The following PARD3B variants were observed in gnomAD, a reference collection of about 807,000 sequenced individuals.
The protein encoded by PARD3B is par-3 family cell polarity regulator beta, also known as partitioning defective 3 homolog B.
A neutral mutation model predicts 130.2 loss-of-function variants in PARD3B; 103 were observed. The observed-to-expected ratio is 0.79, with a 90% CI of 0.67 to 0.93. The LOEUF (loss-of-function observed/expected upper bound fraction) is 0.93. PARD3B is among the 40% of genes least tolerant of loss of function. The probability of loss-of-function intolerance (pLI) is 0.00; values close to 1 mark genes in which losing one functional copy is unlikely to be tolerated. For synonymous variants in PARD3B, 583 were observed against 553.2 expected (o/e 1.05, Z -0.76); for missense variants, 1,609 against 1,499.2 (o/e 1.07, Z -1.21).
chr2:204,868,039 A>G (rs1274137774), intron 2 of PARD3B, among the ~76,000 whole-genome samples: 1 of 152,134 alleles, frequency 6.6e-6, no homozygotes, highest in African/African-American at 2.4e-5. Context: ...TGAGAGAAAC[A>G]TCCTAGGTGC....
rs35556760 is a variant in PARD3B at position 205,463,438 on chromosome 2, TAAAAAA to T, written c.3044+22782_3044+22787del. On this transcript the variant is annotated intron_variant, in intron 20 of 22. Transcript: ENST00000406610. The surrounding 1 kb of genome is among the most constrained non-coding windows in gnomAD (Gnocchi z 4.8). Reference sequence around the variant, plus strand: ...AACATTTCACTGCACATTAATTCTTTAAAAAAAAAAAAAAAAAAAAACCTGTCATTT... The same window carrying T: ...AACATTTCACTGCACATTAATTCTTTAAAAAAAAAAAAAAACCTGTCATTT... Among the ~76,000 whole-genome samples the T allele has an allele frequency of 8.2e-5, 10 of 121,576 alleles. No individual in the cohort carries two copies. Among genetic ancestry groups the T allele is most frequent in the African/African-American group, 2.0e-4 (7 of 34,822 alleles). The allele number at this position is 121,576 out of a possible 152,430, so 79.8% of individuals were successfully genotyped here. A position where few individuals can be genotyped will look rare whatever the true frequency, so the allele number is the denominator to read the frequency against.
intron 4 of PARD3B, among the ~76,000 whole-genome samples, chr2:205,083,736 T>C (rs1559420885): frequency 6.6e-6 from 1 of 152,126 alleles, no homozygotes; most frequent in African/African-American, 2.4e-5. Flanking sequence ...TTTAGGCTTA[T>C]TTTTTAGTGT....
chr2:205,616,041 A>C lies in PARD3B; in HGVS notation c.*228A>C. On this transcript the variant is annotated 3_prime_UTR_variant, in exon 23 of 23. Coordinates refer to ENST00000406610, the MANE Select transcript of PARD3B (RefSeq NM_001302769.2). The stretch of plus-strand genomic sequence containing the variant: ...AGACGAAAGATGGGGCTATAAAAAC[A>C]AAACTACCTGATAGTTGAAACGCTT... 1.9e-6 allele frequency: 1 copy of C among 537,858 alleles called. No individual in the cohort carries two copies. Among genetic ancestry groups the C allele is most frequent in the Non-Finnish European group, 3.3e-6 (1 of 306,564 alleles). The allele number at this position is 537,858 out of a possible 1,614,324, so 33.3% of individuals were successfully genotyped here.
intron 4 of PARD3B, among the ~76,000 whole-genome samples, chr2:205,073,109 A>G (rs1489942617): frequency 6.6e-6 from 1 of 152,196 alleles, no homozygotes; most frequent in Non-Finnish European, 1.5e-5. Context: ...ATAAAGAACT[A>G]AGATTTTGTT....
At chr2:205,495,496 C>T (rs2049891930) in intron 20 of PARD3B, among the ~76,000 whole-genome samples, 1 of 152,114 alleles carries the variant, frequency 6.6e-6, no homozygotes, top group Admixed American at 6.5e-5. Flanking sequence ...GACACTTTTA[C>T]TAGTTTTATA....
rs2035896320 is a variant in PARD3B at position 205,183,292 on chromosome 2, G to C, written c.1925-2472G>C. Among the ~76,000 whole-genome samples, 2 of 152,190 alleles carry C rather than the reference G, an allele frequency of 1.3e-5. No homozygotes were observed. Among genetic ancestry groups the C allele is most frequent in the African/African-American group, 4.8e-5 (2 of 41,454 alleles). ...CTTTATTCCGTAGGCAATGTGTGCA[G>C]CTGAAGTGATTTTGAGCAACAAGTT... is the stretch of plus-strand genomic sequence containing the variant. On this transcript the variant is annotated intron_variant, in intron 13 of 22. Transcript: ENST00000406610. This position sits in a 1 kb window ranked among gnomAD's most constrained non-coding sequence, Gnocchi z 5.2.
intron 1 of PARD3B, among the ~76,000 whole-genome samples, chr2:204,614,858 A>G (rs1445513688): frequency 2.6e-5 from 4 of 152,082 alleles, no homozygotes; most frequent in Non-Finnish European, 5.9e-5. Flanking sequence ...TGCTTGTGTT[A>G]TGCTTCCTCT....
chr2:204,748,170 G>A (rs1219317455), intron 2 of PARD3B, among the ~76,000 whole-genome samples: 1 of 152,092 alleles, frequency 6.6e-6, no homozygotes. Flanking sequence ...AAGACAGGTT[G>A]GAATGCAGGT....
rs537561255 is a variant in PARD3B, at chr2:204,564,224, C to T, written c.120+18105C>T. ...CCCACGTAGCTCAGTTCCTTTCCTT[C>T]GGGGCTTCACATGCATACATTTTGA... On this transcript the variant is annotated intron_variant, in intron 1 of 22. Coordinates refer to ENST00000406610, the MANE Select transcript of PARD3B (RefSeq NM_001302769.2). Among the ~76,000 whole-genome samples the T allele has an allele frequency of 1.2e-4, 18 of 152,264 alleles. No homozygotes were observed. The South Asian group carries it at 1.7e-3, about 14-fold the overall frequency.
intron 2 of PARD3B, among the ~76,000 whole-genome samples, chr2:204,861,653 C>G (rs1001409301): frequency 1.3e-5 from 2 of 151,960 alleles, no homozygotes; most frequent in African/African-American, 2.4e-5. Flanking sequence ...TTGAGAAGTA[C>G]TCTTGGCTTT....
chr2:205,490,119 T>A (rs543766478), intron 20 of PARD3B, among the ~76,000 whole-genome samples: 22 of 152,216 alleles, frequency 1.4e-4, no homozygotes, highest in East Asian at 9.6e-4. Context: ...TATTTCTTTT[T>A]TATATATATA....
At chr2:204,913,245 T>G (rs1315585167) in intron 2 of PARD3B, among the ~76,000 whole-genome samples, 1 of 152,182 alleles carries the variant, frequency 6.6e-6, no homozygotes, top group Non-Finnish European at 1.5e-5. Flanking sequence ...GTTGTATCCC[T>G]CAAATGTATA....
intron 19 of PARD3B, among the ~76,000 whole-genome samples, chr2:205,435,025 A>G (rs1257447463): frequency 6.6e-6 from 1 of 152,166 alleles, no homozygotes; most frequent in Non-Finnish European, 1.5e-5. Context: ...ATAACCATGT[A>G]TACCCATACC....
At chr2:204,817,152 T>C (rs1234170654) in intron 2 of PARD3B, among the ~76,000 whole-genome samples, 1 of 152,116 alleles carries the variant, frequency 6.6e-6, no homozygotes, top group Non-Finnish European at 1.5e-5. Flanking sequence ...TTAATGTCCT[T>C]GTCTACTAAT....
At chr2:205,273,350 G>T (rs10197562) in intron 16 of PARD3B, among the ~76,000 whole-genome samples, 3 of 152,044 alleles carry the variant, frequency 2.0e-5, no homozygotes, top group African/African-American at 4.8e-5. Context: ...GAAAGAGTTC[G>T]CTCCTTTGTT....
At chr2:204,665,918 T>C (rs1453679793) in intron 1 of PARD3B, among the ~76,000 whole-genome samples, 1 of 152,226 alleles carries the variant, frequency 6.6e-6, no homozygotes, top group Non-Finnish European at 1.5e-5. Context: ...TCACAGAGTA[T>C]AAAGCTGTTC....
At chr2:205,175,177 T>G (rs1308340387) in intron 12 of PARD3B, among the ~76,000 whole-genome samples, 1 of 152,184 alleles carries the variant, frequency 6.6e-6, no homozygotes, top group Non-Finnish European at 1.5e-5. Flanking sequence ...GATTGTGTCA[T>G]TTATCAAAGA....
chr2:204,810,850 C>G (rs991086855), intron 2 of PARD3B, among the ~76,000 whole-genome samples: 5 of 151,976 alleles, frequency 3.3e-5, no homozygotes, highest in African/African-American at 1.2e-4. Flanking sequence ...AGTCCCTCCT[C>G]TTCAATTTTT....
chr2:205,074,228 C>G (rs1357977095), intron 4 of PARD3B, among the ~76,000 whole-genome samples: 1 of 152,008 alleles, frequency 6.6e-6, no homozygotes, highest in African/African-American at 2.4e-5. Flanking sequence ...TTCAAATTGT[C>G]TATTTGAATA....
Sources: allele counts gnomAD v4.1 joint callset (sites outside exome capture counted in the v4.1 genomes callset), GRCh38; gene constraint gnomAD v4.1.1; non-coding constraint Gnocchi (gnomAD v3.1); transcripts MANE v1.5; gene names NCBI Gene and HGNC (gene_info 2026-07-23, HGNC 2026-07-21).